Variants in RGS2 observed in about 807,000 individuals in gnomAD.
The protein encoded by RGS2 is G0 to G1 switch regulatory 8, 24kD.
Under a neutral mutation model 26.6 loss-of-function variants are expected in RGS2, and 20 were observed. The observed-to-expected ratio is 0.75, with a 90% confidence interval of 0.53 to 1.09. The LOEUF (loss-of-function observed/expected upper bound fraction) is 1.09, where lower values mean the gene tolerates loss of function less well. RGS2 is among the 50% of genes least tolerant of loss of function. The probability of loss-of-function intolerance (pLI) is 0.00; values close to 1 mark genes in which losing one functional copy is unlikely to be tolerated. For missense variants in RGS2, 246 were observed against 245.5 expected, an observed-to-expected ratio of 1.00 and a Z score of -0.01; for synonymous variants, 97 against 79.9, an observed-to-expected ratio of 1.21 and a Z score of -1.14.
rs757270622 is a variant in RGS2, at chr1:192,809,042, A to G, written c.-30A>G. The G allele has an allele frequency of 6.5e-7, 1 of 1,545,272 alleles. No individual in the cohort carries two copies. Among genetic ancestry groups the G allele is most frequent in the Non-Finnish European group, 9.0e-7 (1 of 1,117,218 alleles). ...ATGCTGCGACGCACGCCCAGCCGCAAACAGCCGGGGCTCCAGCGGGAGAAC... is the reference window on the plus strand; with the variant it reads ...ATGCTGCGACGCACGCCCAGCCGCAGACAGCCGGGGCTCCAGCGGGAGAAC... On this transcript the variant is annotated 5_prime_UTR_variant, in exon 1 of 5. Coordinates refer to ENST00000235382, the MANE Select transcript of RGS2 (RefSeq NM_002923.4).
At position 192,809,040 on chromosome 1, in the gene RGS2, CAA is replaced by C; in HGVS notation, c.-30_-29del. 1 of 1,535,178 alleles carries C rather than the reference CAA, an allele frequency of 6.5e-7. No homozygotes were observed. The highest frequency in any genetic ancestry group is 9.0e-7 in the Non-Finnish European group (1 of 1,107,890). On this transcript the variant is annotated 5_prime_UTR_variant, in exon 1 of 5. Coordinates refer to ENST00000235382, the MANE Select transcript of RGS2 (RefSeq NM_002923.4). ...AAATGCTGCGACGCACGCCCAGCCG[CAA>C]ACAGCCGGGGCTCCAGCGGGAGAAC...
intron 3 of RGS2, chr1:192,810,641 T>G: frequency 3.1e-6 from 2 of 638,174 alleles, no homozygotes; most frequent in South Asian, 1.8e-5. Context: ...CTAAACAAAT[T>G]AAAGTGGCAG....
Position 192,810,422 on chromosome 1 carries a change from G to C in RGS2, c.265G>C (p.Ala89Pro). ...GTCAGAAGCATTTGACGAGCTGCTAGCCAGCAAATGTAAGTTAACTCTTGA... is the reference window on the plus strand; with the variant it reads ...GTCAGAAGCATTTGACGAGCTGCTACCCAGCAAATGTAAGTTAACTCTTGA... ...LWSEAFDELLASKYGLAAFRA... is the reference protein window; with the variant it reads ...LWSEAFDELLPSKYGLAAFRA... Residue 89 changes from alanine (A) to proline (P), a missense_variant, in exon 3 of 5, where the codon GCC becomes CCC. Transcript: ENST00000235382. 6.2e-7 allele frequency: 1 copy of C among 1,614,084 alleles called. No homozygotes were observed. The highest frequency in any genetic ancestry group is 8.5e-7 in the Non-Finnish European group (1 of 1,179,994).
rs1041809769 is a variant in RGS2 at position 192,812,035 on chromosome 1, T to C, written c.*439T>C. The C allele has an allele frequency of 1.2e-5, 3 of 252,114 alleles. No homozygotes were observed. The highest frequency in any genetic ancestry group is 2.2e-5 in the African/African-American group (1 of 44,640). 15.6% of individuals were successfully genotyped at this position (252,114 alleles called of 1,614,324 possible). A position where few individuals can be genotyped will look rare whatever the true frequency, so the allele number is the denominator to read the frequency against. On this transcript the variant is annotated 3_prime_UTR_variant, in exon 5 of 5. Transcript: ENST00000235382. ...TTCAGTAACAGTGAAGTGTTTACTA[T>C]GTGCAACGGTATTGAAGTTCTTATG... is the stretch of plus-strand genomic sequence containing the variant.
At chr1:192,810,517 T>G (rs1442100211) in intron 3 of RGS2, 86 bp downstream of exon 3, 1 of 1,175,912 alleles carries the variant, frequency 8.5e-7, no homozygotes, top group East Asian at 2.3e-5. Flanking sequence ...GCAGCTTGCC[T>G]GAGGGGGATT....
chr1:192,809,325 A>C (rs1287107022), intron 1 of RGS2, 144 bp downstream of exon 1: 1 of 708,124 alleles, frequency 1.4e-6, no homozygotes, highest in African/African-American at 1.8e-5. Context: ...CAATTTGTTA[A>C]GTAAGGTTAA....
intron 1 of RGS2, chr1:192,809,685 C>T (rs920619447): frequency 3.4e-6 from 1 of 297,024 alleles, no homozygotes. Context: ...GAAGGAAGAG[C>T]GCAGGGGAAT....
At position 192,809,122 on chromosome 1, in the gene RGS2, C is replaced by T. The variant is rs1032736092; in HGVS notation, c.51C>T (p.Asp17=). The change falls in exon 1 of 5, where the codon GAC becomes GAT. Residue 17 remains aspartate (D), a synonymous_variant. Coordinates refer to ENST00000235382, the MANE Select transcript of RGS2 (RefSeq NM_002923.4). ...LAVQHDCRPM[D]KSAGSGHKSE... is the part of the protein sequence containing the mutation. ...TTCAACACGACTGCAGACCCATGGA[C>T]AAGAGCGCAGGCAGTGGCCACAAGA... The T allele has an allele frequency of 2.6e-5, 42 of 1,614,096 alleles. No individual in the cohort carries two copies. The highest frequency in any genetic ancestry group is 3.6e-5 in the Non-Finnish European group (42 of 1,179,958).
intron 4 of RGS2, 124 bp downstream of exon 4, chr1:192,811,271 TTA>T: frequency 7.5e-7 from 1 of 1,336,514 alleles, no homozygotes; most frequent in Non-Finnish European, 1.1e-6. Context: ...TAGCTTTCAG[TTA>T]TGTTAAAGTT....
chr1:192,810,431 T>C lies in RGS2; in HGVS notation c.274T>C (p.Tyr92His), dbSNP rs1043111918. ...ATTTGACGAGCTGCTAGCCAGCAAA[T>C]GTAAGTTAACTCTTGAGCTTGAGCC... ...EAFDELLASK[Y>H]GLAAFRAFLK... is the part of the protein sequence containing the mutation. The change falls in exon 3 of 5, where the codon TAT (tyrosine) becomes CAT (histidine). Residue 92 changes from tyrosine (Y) to histidine (H), a missense_variant and splice_region_variant. Tyr to His is a moderately conservative substitution (Grantham distance 83). Coordinates refer to ENST00000235382, the MANE Select transcript of RGS2 (RefSeq NM_002923.4). 12 of 1,613,794 alleles carry C rather than the reference T, an allele frequency of 7.4e-6. No individual in the cohort carries two copies. The highest frequency in any genetic ancestry group is 9.3e-6 in the Non-Finnish European group (11 of 1,179,874).
In RGS2 at chr1:192,811,062, T is replaced by TTAAAAAAA. The variant is rs1665582897; in HGVS notation, c.356_357insTAAAAAAA (p.Ser124LysfsTer20). 1 of 1,613,932 alleles carries TTAAAAAAA rather than the reference T, an allele frequency of 6.2e-7. No individual in the cohort carries two copies. Among genetic ancestry groups the TTAAAAAAA allele is most frequent in the African/African-American group, 1.3e-5 (1 of 74,874 alleles). Reference sequence around the variant, plus strand: ...GAATTCTGGCTGGCCTGTGAAGACTTCAAAAAAACCAAATCACCCCAAAAG... The same window carrying TTAAAAAAA: ...GAATTCTGGCTGGCCTGTGAAGACTTTAAAAAAACAAAAAAACCAAATCACCCCAAAAG... On this transcript the variant is annotated frameshift_variant, in exon 4 of 5. Coordinates refer to ENST00000235382, the MANE Select transcript of RGS2 (RefSeq NM_002923.4). LOFTEE classifies it high-confidence loss of function.
Position 192,809,054 on chromosome 1 carries a change from T to G in RGS2, c.-18T>G. On this transcript the variant is annotated 5_prime_UTR_variant, in exon 1 of 5. Transcript: ENST00000235382. ...ACGCCCAGCCGCAAACAGCCGGGGC[T>G]CCAGCGGGAGAACGATAATGCAAAG... 6.3e-7 allele frequency: 1 copy of G among 1,586,922 alleles called. No homozygotes were observed. Among genetic ancestry groups the G allele is most frequent in the Middle Eastern group, 1.7e-4 (1 of 6,000 alleles).
chr1:192,809,598 A>G (rs1364175331), intron 1 of RGS2: 2 of 320,954 alleles, frequency 6.2e-6, no homozygotes, highest in East Asian at 1.6e-4. Context: ...TTAATTATAG[A>G]GCAGATCTCA....
Position 192,809,110 on chromosome 1 carries a change from C to T in RGS2, c.39C>T (p.Cys13=), listed in dbSNP as rs1665544934. Residue 13 remains cysteine (C), a synonymous_variant, in exon 1 of 5, where the codon TGC becomes TGT. Transcript: ENST00000235382. ...SAMFLAVQHD[C]RPMDKSAGSG... ...TGTTCTTGGCTGTTCAACACGACTG[C>T]AGACCCATGGACAAGAGCGCAGGCA... is the stretch of plus-strand genomic sequence containing the variant. The T allele has an allele frequency of 1.2e-6, 2 of 1,613,894 alleles. No homozygotes were observed. Among genetic ancestry groups the T allele is most frequent in the East Asian group, 2.2e-5 (1 of 44,880 alleles).
At chr1:192,809,526 C>CT in intron 1 of RGS2, 1 of 379,022 alleles carries the variant, frequency 2.6e-6, no homozygotes, top group South Asian at 2.2e-5. Flanking sequence ...GCTTACACAG[C>CT]TACTGGAAGG....
chr1:192,810,943 C>A, intron 3 of RGS2, 38 bp from the exon 4 acceptor site: 1 of 1,584,468 alleles, frequency 6.3e-7, no homozygotes, highest in Non-Finnish European at 8.6e-7. Context: ...TCTCTCAGTT[C>A]TTCACATTCT....
At chr1:192,810,881 T>A in intron 3 of RGS2, 100 bp from the exon 4 acceptor site, 1 of 1,320,354 alleles carries the variant, frequency 7.6e-7, no homozygotes, top group Non-Finnish European at 1.1e-6. Context: ...AGAAAATTCA[T>A]TTAGAAATAA....
In RGS2 at chr1:192,809,057, AGC is replaced by A; in HGVS notation, c.-13_-12del. 6.3e-7 allele frequency: 1 copy of A among 1,593,738 alleles called. No homozygotes were observed. Among genetic ancestry groups the A allele is most frequent in the Non-Finnish European group, 8.6e-7 (1 of 1,161,648 alleles). On this transcript the variant is annotated 5_prime_UTR_variant, in exon 1 of 5. Coordinates refer to ENST00000235382, the MANE Select transcript of RGS2 (RefSeq NM_002923.4). ...CCCAGCCGCAAACAGCCGGGGCTCC[AGC>A]GGGAGAACGATAATGCAAAGTGCTA... is the stretch of plus-strand genomic sequence containing the variant.
At chr1:192,809,289 A>G (rs1161272002) in intron 1 of RGS2, 108 bp downstream of exon 1, 6 of 815,766 alleles carry the variant, frequency 7.4e-6, no homozygotes, top group African/African-American at 1.7e-5. Context: ...GCCTGAGCCT[A>G]TGCAGGGAAA....
Sources: gnomAD v4.1 joint callset for allele counts on GRCh38, gnomAD v4.1.1 for gene constraint, MANE v1.5 for transcripts, NCBI Gene and HGNC (gene_info 2026-07-23, HGNC 2026-07-21) for gene names.